Variants in ARHGAP28 observed in about 807,000 individuals in gnomAD.
ARHGAP28 encodes the protein Rho GTPase activating protein 28.
In ARHGAP28, 56 loss-of-function variants were observed where a neutral mutation model predicts 90.7. That is an observed-to-expected ratio of 0.62 (90% CI 0.50 to 0.77). ARHGAP28 has a LOEUF of 0.77. Ranked by LOEUF, ARHGAP28 falls within the 30% of genes least tolerant of loss-of-function variation. The pLI is 0.00. For missense variants in ARHGAP28, 869 were observed against 900.9 expected (o/e 0.96, Z 0.45); for synonymous variants, 308 against 323.3 (o/e 0.95, Z 0.51).
intron 17 of ARHGAP28, among the ~76,000 whole-genome samples, chr18:6,910,574 C>A (rs1415565544): frequency 6.6e-6 from 1 of 152,082 alleles, no homozygotes; most frequent in Non-Finnish European, 1.5e-5. Context: ...CAGGTCTTTG[C>A]GGATAAATCA....
intron 11 of ARHGAP28, among the ~76,000 whole-genome samples, chr18:6,886,608 A>G (rs1327236488): frequency 6.6e-6 from 1 of 152,226 alleles, no homozygotes; most frequent in Non-Finnish European, 1.5e-5. Context: ...CTCTACATGT[A>G]TTAACTCATT....
chr18:6,841,180 C>CCTCTCTCTCTCTCCTCTCTCTCTCTCT (rs2056814630), intron 3 of ARHGAP28, among the ~76,000 whole-genome samples: 2 of 57,062 alleles, frequency 3.5e-5, no homozygotes, highest in Non-Finnish European at 6.3e-5. Flanking sequence ...CTCTCTCTCT[C>CCTCTCTCTCTCTCCTCTCTCTCTCTCT]CTCTCTCTCT....
Position 6,912,132 on chromosome 18 carries a change from T to G in ARHGAP28, c.2168T>G (p.Ile723Ser), listed in dbSNP as rs1398909315. ...ATAAATCCTCAAGCAGAATGGGTGA[T>G]TAAACCCCAACAAAGTTCTTAAAAT... Reference protein sequence around the residue: ...YRINPQAEWVIKPQQSS With the variant: ...YRINPQAEWVSKPQQSS The change falls in exon 18 of 18, where the codon ATT becomes AGT. Residue 723 changes from isoleucine (I) to serine (S), a missense_variant. Ile to Ser is a moderately radical substitution (Grantham distance 142). Coordinates refer to ENST00000383472, the MANE Select transcript of ARHGAP28 (RefSeq NM_001366230.1). 1 of 1,604,622 alleles carries G rather than the reference T, an allele frequency of 6.2e-7. No homozygotes were observed. Among genetic ancestry groups the G allele is most frequent in the Non-Finnish European group, 8.5e-7 (1 of 1,172,854 alleles).
chr18:6,856,289 A>G (rs1420056383), intron 4 of ARHGAP28, among the ~76,000 whole-genome samples: 1 of 152,200 alleles, frequency 6.6e-6, no homozygotes, highest in Non-Finnish European at 1.5e-5. Context: ...TGGCAAACAA[A>G]TTATTTCCCA....
chr18:6,770,474 T>C (rs1600167858), intron 1 of ARHGAP28, among the ~76,000 whole-genome samples: 2 of 152,266 alleles, frequency 1.3e-5, no homozygotes, highest in African/African-American at 4.8e-5. Flanking sequence ...GTTGTTACGT[T>C]AGATGAAGAA....
chr18:6,837,530 CTT>C lies in ARHGAP28; in HGVS notation c.543+120_543+121del, dbSNP rs1194301195. 11 of 787,850 alleles carry C rather than the reference CTT, an allele frequency of 1.4e-5. No individual in the cohort carries two copies. The East Asian group carries it at 2.9e-4, about 21-fold the overall frequency. 48.8% of individuals were successfully genotyped at this position (787,850 alleles called of 1,614,324 possible). A position where few individuals can be genotyped will look rare whatever the true frequency, so the allele number is the denominator to read the frequency against. On this transcript the variant is annotated intron_variant, in intron 3 of 17. Coordinates refer to ENST00000383472, the MANE Select transcript of ARHGAP28 (RefSeq NM_001366230.1). ...GTCTGCTTGGGTGGTTCCATTCTAA[CTT>C]TTTGAGAAAACTAAAGCAGACAGCA...
In ARHGAP28 at chr18:6,889,872, T is replaced by C; in HGVS notation, c.1537-16T>C. ...GACAGTGTACAATTGTATGACACAA[T>C]GCTGTTTCTTCTTAGGCCCTCATGA... On this transcript the variant is annotated splice_polypyrimidine_tract_variant and intron_variant, in intron 12 of 17. Transcript: ENST00000383472. 6.2e-7 allele frequency: 1 copy of C among 1,612,558 alleles called. No individual in the cohort carries two copies. The highest frequency in any genetic ancestry group is 8.5e-7 in the Non-Finnish European group (1 of 1,179,278).
chr18:6,730,780 A>G (rs144724254), intron 1 of ARHGAP28, among the ~76,000 whole-genome samples: 1 of 152,344 alleles, frequency 6.6e-6, no homozygotes, highest in East Asian at 1.9e-4. Context: ...TTATTTGTGT[A>G]AATGTGACTA....
At chr18:6,767,478 A>G (rs1337011306) in intron 1 of ARHGAP28, among the ~76,000 whole-genome samples, 2 of 151,858 alleles carry the variant, frequency 1.3e-5, no homozygotes, top group Non-Finnish European at 2.9e-5. Context: ...GAAAAACTTT[A>G]TGTTCTAGTA....
chr18:6,841,216 T>TCTCTCTCTCTCTCTCTC (rs2056823638), intron 3 of ARHGAP28, among the ~76,000 whole-genome samples: 1 of 114,272 alleles, frequency 8.8e-6, no homozygotes, highest in African/African-American at 3.5e-5. Context: ...CTCCTCTCTC[T>TCTCTCTCTCTCTCTCTC]CTCTCTCCCC....
chr18:6,753,529 T>G (rs1312266174), intron 1 of ARHGAP28, among the ~76,000 whole-genome samples: 2 of 152,232 alleles, frequency 1.3e-5, no homozygotes, highest in African/African-American at 2.4e-5. Flanking sequence ...GTTTATTCTA[T>G]AAATGCAGAC....
chr18:6,772,300 A>G (rs2056249322), intron 1 of ARHGAP28, among the ~76,000 whole-genome samples: 1 of 152,212 alleles, frequency 6.6e-6, no homozygotes, highest in Non-Finnish European at 1.5e-5. Flanking sequence ...ATGTAAGGTC[A>G]TATTTATTAC....
At chr18:6,890,935 T>G (rs1440082221) in intron 14 of ARHGAP28, among the ~76,000 whole-genome samples, 2 of 152,234 alleles carry the variant, frequency 1.3e-5, no homozygotes, top group Non-Finnish European at 2.9e-5. Context: ...AGTAAAGGAA[T>G]AGCTAATCCT....
intron 1 of ARHGAP28, among the ~76,000 whole-genome samples, chr18:6,794,590 T>G (rs1380006414): frequency 2.0e-5 from 3 of 152,246 alleles, no homozygotes; most frequent in Admixed American, 6.5e-5. Flanking sequence ...TCTTTTAGAT[T>G]TGCTTTTAGG....
At chr18:6,764,965 C>T (rs1345905074) in intron 1 of ARHGAP28, among the ~76,000 whole-genome samples, 2 of 151,874 alleles carry the variant, frequency 1.3e-5, no homozygotes, top group Non-Finnish European at 1.5e-5. Context: ...AGAGGACTTA[C>T]ACTGGAAAAA....
chr18:6,735,944 A>C (rs567459661), intron 1 of ARHGAP28, among the ~76,000 whole-genome samples: 37 of 152,138 alleles, frequency 2.4e-4, no homozygotes, highest in Non-Finnish European at 4.3e-4. Flanking sequence ...TTGACATCTT[A>C]CTAACGTTGG....
intron 16 of ARHGAP28, among the ~76,000 whole-genome samples, chr18:6,907,711 TG>T (rs2057371689): frequency 1.3e-5 from 2 of 152,104 alleles, no homozygotes; most frequent in Non-Finnish European, 1.5e-5. Flanking sequence ...GGGTGCCTTG[TG>T]GGGCTGGAAA....
intron 1 of ARHGAP28, among the ~76,000 whole-genome samples, chr18:6,777,764 G>T (rs903652600): frequency 1.7e-4 from 26 of 152,084 alleles, no homozygotes; most frequent in African/African-American, 5.3e-4. Context: ...ATGAATGAAT[G>T]AATGAATAAA....
At position 6,764,263 on chromosome 18, in the gene ARHGAP28, C is replaced by A. The variant is rs567967926; in HGVS notation, c.122+34320C>A. Among the ~76,000 whole-genome samples, 409 of 152,216 alleles carry A rather than the reference C, an allele frequency of 2.7e-3. 3 individuals carry two copies. Among genetic ancestry groups the A allele is most frequent in the South Asian group, 0.011 (53 of 4,818 alleles). On this transcript the variant is annotated intron_variant, in intron 1 of 17. Transcript: ENST00000383472. Reference sequence around the variant, plus strand: ...GCATGAATATTAGTGTATAAGCCCACGTCCAAAGAGATCAAAGGAAATATT... The same window carrying A: ...GCATGAATATTAGTGTATAAGCCCAAGTCCAAAGAGATCAAAGGAAATATT...
Sources: gnomAD v4.1 joint callset for allele counts (sites outside exome capture counted in the v4.1 genomes callset) on GRCh38, gnomAD v4.1.1 for gene constraint, MANE v1.5 for transcripts, NCBI Gene and HGNC (gene_info 2026-07-23, HGNC 2026-07-21) for gene names.